Variants in FBXL7 observed in about 807,000 individuals in gnomAD.
The protein encoded by FBXL7 is F-box/LRR-repeat protein 7.
FBXL7 carries 12 observed loss-of-function variants against 38.3 expected under a neutral mutation model. The observed-to-expected ratio is 0.31, with a 90% CI of 0.20 to 0.51. The LOEUF (loss-of-function observed/expected upper bound fraction) is 0.51, where lower values mean the gene tolerates loss of function less well. FBXL7 is among the 20% of genes least tolerant of loss of function. The probability of loss-of-function intolerance (pLI) is 0.98; values close to 1 mark genes in which losing one functional copy is unlikely to be tolerated. For missense variants in FBXL7, 567 were observed against 676.4 expected (o/e 0.84, Z 1.79); for synonymous variants, 297 against 300.9 (o/e 0.99, Z 0.13).
intron 2 of FBXL7, among the ~76,000 whole-genome samples, chr5:15,756,600 A>G (rs928939483): frequency 6.6e-6 from 1 of 152,166 alleles, no homozygotes; most frequent in African/African-American, 2.4e-5. Flanking sequence ...GTTTAAAGCC[A>G]TATGATTCGT....
intron 2 of FBXL7, among the ~76,000 whole-genome samples, chr5:15,626,313 C>T (rs969413951): frequency 6.6e-6 from 1 of 151,910 alleles, no homozygotes; most frequent in African/African-American, 2.4e-5. Context: ...TTCAGTGTGC[C>T]CAATTTAATA....
intron 3 of FBXL7, among the ~76,000 whole-genome samples, chr5:15,930,608 C>CTTGATT (rs1561193401): frequency 1.3e-5 from 2 of 152,158 alleles, no homozygotes; most frequent in Non-Finnish European, 2.9e-5. Context: ...ATTATTAAGC[C>CTTGATT]TTGATATCTG....
At chr5:15,741,994 T>C (rs532332174) in intron 2 of FBXL7, among the ~76,000 whole-genome samples, 1 of 152,290 alleles carries the variant, frequency 6.6e-6, no homozygotes, top group African/African-American at 2.4e-5. Flanking sequence ...GAATGAGCTA[T>C]GTGTTGGTGC....
chr5:15,919,368 T>A (rs1255035608), intron 2 of FBXL7, among the ~76,000 whole-genome samples: 3 of 150,402 alleles, frequency 2.0e-5, no homozygotes, highest in Admixed American at 2.0e-4. Flanking sequence ...TTTGATACTA[T>A]ACTGTAATTA....
intron 2 of FBXL7, among the ~76,000 whole-genome samples, chr5:15,673,219 G>A (rs1228246825): frequency 1.3e-5 from 2 of 152,018 alleles, no homozygotes; most frequent in Non-Finnish European, 2.9e-5. Flanking sequence ...GCGAGGCTGA[G>A]GCAAGAGAAT....
At chr5:15,556,010 T>TATCTATCTATC (rs1554005551) in intron 1 of FBXL7, among the ~76,000 whole-genome samples, 6,660 of 99,324 alleles carry the variant, frequency 0.067, 180 homozygotes, top group African/African-American at 0.11. Flanking sequence ...TCTATCTATC[T>TATCTATCTATC]ATCTATCATC....
chr5:15,666,046 A>G (rs961258947), intron 2 of FBXL7, among the ~76,000 whole-genome samples: 1 of 152,126 alleles, frequency 6.6e-6, no homozygotes, highest in Non-Finnish European at 1.5e-5. Flanking sequence ...TGTCCCTTCC[A>G]TTAGTCATTG....
intron 1 of FBXL7, among the ~76,000 whole-genome samples, chr5:15,539,792 G>A (rs1032063017): frequency 5.3e-5 from 8 of 151,736 alleles, no homozygotes; most frequent in East Asian, 1.9e-4. Context: ...GGCACTCTGC[G>A]TTTAACTCAG....
chr5:15,669,326 G>A (rs1227417321), intron 2 of FBXL7, among the ~76,000 whole-genome samples: 1 of 152,126 alleles, frequency 6.6e-6, no homozygotes, highest in African/African-American at 2.4e-5. Flanking sequence ...GGAATTTTAA[G>A]CACCAAGAAA....
chr5:15,915,720 A>G (rs2126435024), intron 2 of FBXL7, among the ~76,000 whole-genome samples: 1 of 152,302 alleles, frequency 6.6e-6, no homozygotes, highest in South Asian at 2.1e-4. Flanking sequence ...GCCGGGAAAA[A>G]TGGTCCATAT....
intron 1 of FBXL7, among the ~76,000 whole-genome samples, chr5:15,614,444 A>G (rs1740373668): frequency 6.6e-6 from 1 of 151,788 alleles, no homozygotes; most frequent in Non-Finnish European, 1.5e-5. Flanking sequence ...TAATTTTTCT[A>G]TTTTTAGTAG....
At chr5:15,845,714 GTAATC>G (rs1738877651) in intron 2 of FBXL7, among the ~76,000 whole-genome samples, 1 of 152,208 alleles carries the variant, frequency 6.6e-6, no homozygotes, top group Non-Finnish European at 1.5e-5. Flanking sequence ...GCTCATGCCT[GTAATC>G]CCAGCACTTT....
intron 2 of FBXL7, among the ~76,000 whole-genome samples, chr5:15,662,269 T>C (rs776502060): frequency 2.0e-5 from 3 of 152,208 alleles, no homozygotes; most frequent in Non-Finnish European, 4.4e-5. Flanking sequence ...TTTTTGTCTA[T>C]GTGTTTATCA....
intron 2 of FBXL7, among the ~76,000 whole-genome samples, chr5:15,885,926 G>T (rs1184461259): frequency 6.6e-6 from 1 of 151,730 alleles, no homozygotes; most frequent in Non-Finnish European, 1.5e-5. Context: ...TCACCGTGTA[G>T]CCCAGGCTGG....
intron 1 of FBXL7, among the ~76,000 whole-genome samples, chr5:15,579,438 T>C (rs1018773115): frequency 1.3e-5 from 2 of 152,188 alleles, no homozygotes; most frequent in Non-Finnish European, 2.9e-5. Context: ...CATAATTCCT[T>C]ATCCAGAAAA....
chr5:15,633,910 A>C (rs908747084), intron 2 of FBXL7, among the ~76,000 whole-genome samples: 41 of 151,766 alleles, frequency 2.7e-4, no homozygotes, highest in African/African-American at 9.2e-4. Flanking sequence ...CCTCCCGAGT[A>C]CCTGGGATTA....
At chr5:15,601,870 T>C (rs914336738) in intron 1 of FBXL7, among the ~76,000 whole-genome samples, 2 of 152,164 alleles carry the variant, frequency 1.3e-5, no homozygotes, top group African/African-American at 4.8e-5. Flanking sequence ...TCCTGGAACA[T>C]CAGCATGTGA....
chr5:15,673,280 C>T (rs7701322), intron 2 of FBXL7, among the ~76,000 whole-genome samples: 56,162 of 151,626 alleles, frequency 0.37, 10,850 homozygotes, highest in East Asian at 0.5. Context: ...CACACTACTA[C>T]ACTCCAGCCT....
At chr5:15,874,869 C>T (rs1435903287) in intron 2 of FBXL7, among the ~76,000 whole-genome samples, 2 of 152,176 alleles carry the variant, frequency 1.3e-5, no homozygotes, top group East Asian at 1.9e-4. Flanking sequence ...ATGCTATCCC[C>T]ATCAAGCTAC....
Sources: allele counts gnomAD v4.1 joint callset (sites outside exome capture counted in the v4.1 genomes callset), GRCh38; gene constraint gnomAD v4.1.1; transcripts MANE v1.5; gene names NCBI Gene and HGNC (gene_info 2026-07-23, HGNC 2026-07-21).